Variants in CCDC181 observed in about 807,000 individuals in gnomAD.
CCDC181 encodes the protein coiled-coil domain containing 181, also known as coiled-coil domain-containing protein 181.
Under a neutral mutation model 58.7 loss-of-function variants are expected in CCDC181, and 35 were observed. The ratio of observed to expected loss-of-function variants is 0.60; its 90% CI spans 0.46 to 0.79. The LOEUF (loss-of-function observed/expected upper bound fraction) is 0.79. Ranked by LOEUF, CCDC181 falls within the 30% of genes least tolerant of loss-of-function variation. The pLI is 0.00. For synonymous variants in CCDC181, 183 were observed against 197.5 expected, an observed-to-expected ratio of 0.93 and a Z score of 0.62; for missense variants, 517 against 583.9, an observed-to-expected ratio of 0.89 and a Z score of 1.18.
In CCDC181 at chr1:169,456,075, T is replaced by C. The variant is rs1657669530; in HGVS notation, c.-24+3722A>G. Reference sequence around the variant, plus strand: ...TGCAGGAAAGTTGTCTTTAGTTTCTTAGATGGCCATTTCAGCCTGTTTGCC... The same window carrying C: ...TGCAGGAAAGTTGTCTTTAGTTTCTCAGATGGCCATTTCAGCCTGTTTGCC... On this transcript the variant is annotated intron_variant, in intron 2 of 6. Transcript: ENST00000545005. 3.9e-5 allele frequency among the ~76,000 whole-genome samples: 6 copies of C among 152,294 alleles called. No homozygotes were observed. The South Asian group carries it at 1.2e-3, about 32-fold the overall frequency.
chr1:169,411,052 G>A (rs1450068496), intron 4 of CCDC181, among the ~76,000 whole-genome samples: 1 of 152,170 alleles, frequency 6.6e-6, no homozygotes, highest in Admixed American at 6.5e-5. Context: ...GAGCAGAAAT[G>A]AAGGAGATAG....
intron 2 of CCDC181, among the ~76,000 whole-genome samples, chr1:169,458,398 T>C (rs1346000923): frequency 2.0e-5 from 3 of 152,150 alleles, no homozygotes; most frequent in Non-Finnish European, 4.4e-5. Flanking sequence ...AATTTTAACT[T>C]CAACATTTCT....
chr1:169,458,932 A>G (rs1026638709), intron 2 of CCDC181, among the ~76,000 whole-genome samples: 8 of 151,978 alleles, frequency 5.3e-5, no homozygotes, highest in Non-Finnish European at 1.0e-4. Flanking sequence ...TTAACTTCTT[A>G]TACTCTACTG....
At chr1:169,439,688 GC>G (rs766615030) in intron 2 of CCDC181, among the ~76,000 whole-genome samples, 3 of 152,176 alleles carry the variant, frequency 2.0e-5, no homozygotes, top group Non-Finnish European at 4.4e-5. Flanking sequence ...TTTACACCCT[GC>G]CCTCTTGGTA....
chr1:169,427,127 G>A (rs1656744132), intron 1 of CCDC181, among the ~76,000 whole-genome samples, 161 bp downstream of exon 1: 1 of 152,154 alleles, frequency 6.6e-6, no homozygotes, highest in African/African-American at 2.4e-5. Flanking sequence ...GCCAGACTCG[G>A]TGGACCTCGG....
chr1:169,412,778 A>T (rs900988165), intron 4 of CCDC181, among the ~76,000 whole-genome samples: 4 of 152,230 alleles, frequency 2.6e-5, no homozygotes, highest in African/African-American at 7.2e-5. Flanking sequence ...TGGGGAAAGG[A>T]TTCCTTATTT....
intron 4 of CCDC181, among the ~76,000 whole-genome samples, chr1:169,407,531 TA>T (rs1655732107): frequency 1.3e-5 from 2 of 152,178 alleles, no homozygotes; most frequent in South Asian, 4.1e-4. Context: ...AATACTTGAT[TA>T]TAAGGCAGAA....
intron 2 of CCDC181, among the ~76,000 whole-genome samples, chr1:169,448,299 T>G (rs1206797316): frequency 6.6e-6 from 1 of 152,184 alleles, no homozygotes; most frequent in African/African-American, 2.4e-5. Flanking sequence ...AATATAAAAC[T>G]AAGTTTCTGA....
intron 4 of CCDC181, among the ~76,000 whole-genome samples, chr1:169,403,241 TAGAC>T (rs1218580117): frequency 6.6e-6 from 1 of 152,136 alleles, no homozygotes; most frequent in Admixed American, 6.5e-5. Flanking sequence ...CTGTTAACAT[TAGAC>T]AGATCAACGA....
intron 4 of CCDC181, among the ~76,000 whole-genome samples, chr1:169,398,476 A>C (rs1266558466): frequency 6.6e-5 from 10 of 152,246 alleles, no homozygotes; most frequent in Admixed American, 6.5e-4. Flanking sequence ...AACAGGATAC[A>C]TGGGTATCCC....
chr1:169,396,589 G>C (rs774546880), intron 5 of CCDC181: 1 of 151,956 alleles, frequency 6.6e-6, no homozygotes, highest in Non-Finnish European at 1.5e-5. Context: ...CAAAAGAGAC[G>C]AAAGAATGAA....
In CCDC181 at chr1:169,395,019, TGCCCAC is replaced by T; in HGVS notation, c.*22_*27del. ...TCATATCCAAAATTTTGATAGCAGCTGCCCACTGAAATATTTAATAGAAACTTTCAG... is the reference window on the plus strand; with the variant it reads ...TCATATCCAAAATTTTGATAGCAGCTTGAAATATTTAATAGAAACTTTCAG... On this transcript the variant is annotated 3_prime_UTR_variant, in exon 6 of 6. Transcript: ENST00000367806. 6 of 1,556,462 alleles carry T rather than the reference TGCCCAC, an allele frequency of 3.9e-6. No individual in the cohort carries two copies. The highest frequency in any genetic ancestry group is 5.2e-6 in the Non-Finnish European group (6 of 1,152,580).
intron 2 of CCDC181, chr1:169,451,460 A>G (rs1657534430): frequency 6.6e-6 from 1 of 152,184 alleles, no homozygotes; most frequent in Non-Finnish European, 1.5e-5. Context: ...AAGGCTGAAC[A>G]TGTAAAATCA....
intron 4 of CCDC181, among the ~76,000 whole-genome samples, chr1:169,401,188 G>C (rs920545518): frequency 5.3e-5 from 8 of 152,194 alleles, no homozygotes; most frequent in African/African-American, 1.9e-4. Context: ...AGCTCAAGGA[G>C]GCCTGCCTGC....
intron 2 of CCDC181, among the ~76,000 whole-genome samples, chr1:169,437,649 G>T (rs1421719545): frequency 1.3e-5 from 2 of 152,094 alleles, no homozygotes; most frequent in African/African-American, 4.8e-5. Context: ...GCTGATCAGG[G>T]GCATAGTGGT....
intron 4 of CCDC181, among the ~76,000 whole-genome samples, chr1:169,399,677 G>A (rs929660517): frequency 3.3e-5 from 5 of 152,162 alleles, no homozygotes; most frequent in African/African-American, 1.2e-4. Context: ...CTGAATTGGA[G>A]ACTTTTGCAT....
At chr1:169,400,966 C>T (rs1372552967) in intron 4 of CCDC181, among the ~76,000 whole-genome samples, 1 of 152,166 alleles carries the variant, frequency 6.6e-6, no homozygotes, top group Non-Finnish European at 1.5e-5. Flanking sequence ...TACACTTTTC[C>T]AACGGTCTTA....
intron 4 of CCDC181, among the ~76,000 whole-genome samples, chr1:169,407,057 GAAA>G (rs33976978): frequency 0.3 from 36,168 of 118,906 alleles, 5,554 homozygotes; most frequent in Non-Finnish European, 0.42. Context: ...AGATGAGGCA[GAAA>G]AAAAAAAAAA....
intron 2 of CCDC181, among the ~76,000 whole-genome samples, chr1:169,424,157 ATATACACAT>A (rs1432928861): frequency 1.3e-5 from 2 of 151,948 alleles, no homozygotes; most frequent in Admixed American, 6.6e-5. Context: ...ACAGAAATAC[ATATACACAT>A]TATACACATG....
Sources: gnomAD v4.1 joint callset for allele counts (sites outside exome capture counted in the v4.1 genomes callset) on GRCh38, gnomAD v4.1.1 for gene constraint, MANE v1.5 for transcripts, NCBI Gene and HGNC (gene_info 2026-07-23, HGNC 2026-07-21) for gene names.